PRKACB: variants seen among roughly 807,000 people sequenced by gnomAD.
PRKACB encodes cAMP-dependent protein kinase catalytic subunit beta.
A neutral mutation model predicts 51.4 loss-of-function variants in PRKACB; 16 were observed. The observed-to-expected ratio is 0.31, with a 90% CI of 0.21 to 0.47. The LOEUF (loss-of-function observed/expected upper bound fraction) is 0.47. PRKACB is among the 20% of genes least tolerant of loss of function. PRKACB has a pLI of 1.00. For missense variants in PRKACB, 309 were observed against 464.5 expected, an observed-to-expected ratio of 0.67 and a Z score of 3.08; for synonymous variants, 147 against 154.4, an observed-to-expected ratio of 0.95 and a Z score of 0.35.
At chr1:84,165,653 A>AT (rs1657191480) in intron 1 of PRKACB, among the ~76,000 whole-genome samples, 2 of 151,662 alleles carry the variant, frequency 1.3e-5, no homozygotes, top group African/African-American at 4.8e-5. Flanking sequence ...AATGTGATTT[A>AT]TTTTTTCTAA....
intron 6 of PRKACB, 68 bp from the exon 7 acceptor site, chr1:84,197,661 G>A (rs564956883): frequency 1.9e-5 from 19 of 1,002,184 alleles, no homozygotes; most frequent in South Asian, 5.6e-5. Flanking sequence ...AACTTTCAAC[G>A]TAGGTGCAAT....
At chr1:84,220,957 A>G (rs757246004) in intron 9 of PRKACB, among the ~76,000 whole-genome samples, 1 of 152,052 alleles carries the variant, frequency 6.6e-6, no homozygotes, top group African/African-American at 2.4e-5. Flanking sequence ...GGCCTCGTAG[A>G]ATAAGTTAGG....
intron 1 of PRKACB, among the ~76,000 whole-genome samples, chr1:84,090,066 A>G (rs1046886331): frequency 2.0e-5 from 3 of 152,200 alleles, no homozygotes; most frequent in Non-Finnish European, 4.4e-5. Flanking sequence ...ACAGAAGAAC[A>G]CTAGAAATTT....
Position 84,200,473 on chromosome 1 carries a change from A to G in PRKACB, c.784-2210A>G, listed in dbSNP as rs147431176. 3.5e-4 allele frequency among the ~76,000 whole-genome samples: 54 copies of G among 152,198 alleles called. No individual in the cohort carries two copies. In the East Asian group the frequency reaches 0.01, roughly 29 times the overall value. ...TTGATAGTTTCTTTTGCTGTGCAGAATCTCTTCAGTTTAATTAGATCCCAC... is the reference window on the plus strand; with the variant it reads ...TTGATAGTTTCTTTTGCTGTGCAGAGTCTCTTCAGTTTAATTAGATCCCAC... On this transcript the variant is annotated intron_variant, in intron 7 of 9. Transcript: ENST00000370685.
intron 1 of PRKACB, among the ~76,000 whole-genome samples, chr1:84,171,836 A>T (rs1025365895): frequency 1.3e-5 from 2 of 151,590 alleles, no homozygotes; most frequent in African/African-American, 2.4e-5. Flanking sequence ...GCCAGATATT[A>T]AAAAAATCAA....
chr1:84,144,159 A>T (rs2100598097), upstream of PRKACB: 1 of 1,050,516 alleles, frequency 9.5e-7, no homozygotes, highest in Non-Finnish European at 1.3e-6. Context: ...AAAATCCTCA[A>T]CTCTAGCTGA....
At chr1:84,121,775 G>A (rs1167512536) in intron 1 of PRKACB, among the ~76,000 whole-genome samples, 2 of 152,028 alleles carry the variant, frequency 1.3e-5, no homozygotes, top group East Asian at 1.9e-4. Context: ...ACCTGCTGTG[G>A]CCCTCAGATT....
At chr1:84,101,497 T>A (rs1649347833) in intron 1 of PRKACB, among the ~76,000 whole-genome samples, 1 of 152,004 alleles carries the variant, frequency 6.6e-6, no homozygotes, top group Non-Finnish European at 1.5e-5. Context: ...TGGGGGTTGG[T>A]GGTTCATTTT....
intron 9 of PRKACB, among the ~76,000 whole-genome samples, chr1:84,226,528 A>G (rs1354612043): frequency 1.3e-5 from 2 of 152,134 alleles, no homozygotes; most frequent in African/African-American, 4.8e-5. Context: ...CTTTCCCGTT[A>G]TAGTAGGATA....
At chr1:84,096,192 G>A (rs1364751383) in intron 1 of PRKACB, among the ~76,000 whole-genome samples, 2 of 151,984 alleles carry the variant, frequency 1.3e-5, no homozygotes, top group Non-Finnish European at 2.9e-5. Context: ...GCCTTTCAGT[G>A]GTTTTGACTG....
At chr1:84,227,935 A>G (rs1304181717) in intron 9 of PRKACB, among the ~76,000 whole-genome samples, 1 of 152,226 alleles carries the variant, frequency 6.6e-6, no homozygotes, top group Non-Finnish European at 1.5e-5. Flanking sequence ...AAGGCAGAAG[A>G]AAGAAGTAGC....
intron 5 of PRKACB, among the ~76,000 whole-genome samples, chr1:84,186,999 C>CA (rs1451184867): frequency 6.6e-6 from 1 of 152,012 alleles, no homozygotes; most frequent in Non-Finnish European, 1.5e-5. Context: ...AATGATAGTA[C>CA]AAAAAAATTA....
intron 2 of PRKACB, among the ~76,000 whole-genome samples, chr1:84,180,093 C>A (rs2100961579): frequency 7.0e-6 from 1 of 141,914 alleles, no homozygotes; most frequent in Admixed American, 7.2e-5. Flanking sequence ...GATACTTGCA[C>A]ACGCATGCTT....
chr1:84,201,688 G>T (rs1275084956), intron 7 of PRKACB, among the ~76,000 whole-genome samples: 1 of 151,988 alleles, frequency 6.6e-6, no homozygotes, highest in African/African-American at 2.4e-5. Context: ...TTGACAAAAG[G>T]GTGGAATGTG....
intron 7 of PRKACB, among the ~76,000 whole-genome samples, chr1:84,202,170 T>G (rs185051997): frequency 2.6e-5 from 4 of 152,228 alleles, no homozygotes; most frequent in Non-Finnish European, 4.4e-5. Context: ...GATGGGATTA[T>G]CCCTAGCACA....
intron 1 of PRKACB, among the ~76,000 whole-genome samples, chr1:84,157,768 T>A (rs972271629): frequency 6.6e-6 from 1 of 152,232 alleles, no homozygotes; most frequent in Non-Finnish European, 1.5e-5. Flanking sequence ...CTATGTTGTA[T>A]GGATATAATA....
intron 2 of PRKACB, chr1:84,181,813 A>T: frequency 1.0e-6 from 1 of 957,568 alleles, no homozygotes; most frequent in Admixed American, 3.3e-5. Flanking sequence ...TATGGCTTCT[A>T]TGACTCTTTG....
At chr1:84,130,407 A>G (rs2250806) in intron 1 of PRKACB, among the ~76,000 whole-genome samples, 99,680 of 151,856 alleles carry the variant, frequency 0.66, 34,374 homozygotes, top group Non-Finnish European at 0.79. Context: ...ATGAGAAAGA[A>G]TGGAGACAAC....
At chr1:84,178,711 A>G (rs1198760692) in intron 1 of PRKACB, 1 of 152,332 alleles carries the variant, frequency 6.6e-6, no homozygotes, top group Non-Finnish European at 1.5e-5. Flanking sequence ...AATCTAATAC[A>G]TAACATAAAT....
Sources: allele counts gnomAD v4.1 joint callset (sites outside exome capture counted in the v4.1 genomes callset), GRCh38; gene constraint gnomAD v4.1.1; transcripts MANE v1.5; gene names NCBI Gene and HGNC (gene_info 2026-07-23, HGNC 2026-07-21).